The following GOLGA3 variants were observed in gnomAD, a reference collection of about 807,000 sequenced individuals.
The protein encoded by GOLGA3 is golgin subfamily A member 3.
A neutral mutation model predicts 169.4 loss-of-function variants in GOLGA3; 75 were observed. That is an observed-to-expected ratio of 0.44 (90% CI 0.37 to 0.54). GOLGA3 has a LOEUF of 0.54. GOLGA3 is among the 20% of genes least tolerant of loss of function. GOLGA3 has a pLI of 0.00. For synonymous variants in GOLGA3, 824 were observed against 822.4 expected (o/e 1.00, Z -0.03); for missense variants, 1,899 against 1,930.0 (o/e 0.98, Z 0.30).
chr12:132,818,811 CAG>C (rs1457419710), intron 2 of GOLGA3, among the ~76,000 whole-genome samples: 1 of 152,098 alleles, frequency 6.6e-6, no homozygotes, highest in African/African-American at 2.4e-5. Context: ...ACCCGTGAAG[CAG>C]AGACAGCCCA....
At chr12:132,784,472 G>A (rs1036083582) in intron 15 of GOLGA3, among the ~76,000 whole-genome samples, 165 bp from the exon 16 acceptor site, 1 of 152,152 alleles carries the variant, frequency 6.6e-6, no homozygotes, top group Admixed American at 6.5e-5. Flanking sequence ...TGAATTAACC[G>A]ACCACAGCAT....
chr12:132,821,923 T>A, intron 2 of GOLGA3, 73 bp downstream of exon 2: 3 of 824,286 alleles, frequency 3.6e-6, no homozygotes, highest in Non-Finnish European at 5.5e-6. Context: ...CGCCACATCC[T>A]CCCTCAACAC....
At chr12:132,791,133 A>T in intron 12 of GOLGA3, 83 bp downstream of exon 12, 1 of 636,068 alleles carries the variant, frequency 1.6e-6, no homozygotes, top group Non-Finnish European at 2.9e-6. Context: ...CTTCAATGAC[A>T]TTGGAATTGC....
At chr12:132,798,186 G>GA (rs1948958099) in intron 9 of GOLGA3, among the ~76,000 whole-genome samples, 154 bp downstream of exon 9, 1 of 133,204 alleles carries the variant, frequency 7.5e-6, no homozygotes, top group Non-Finnish European at 1.6e-5. Context: ...GGGTGGGGGG[G>GA]GGGTCCCAAA....
At chr12:132,782,515 G>A (rs1316646857) in intron 16 of GOLGA3, 22 bp from the exon 17 acceptor site, 2 of 1,579,856 alleles carry the variant, frequency 1.3e-6, no homozygotes, top group African/African-American at 1.3e-5. Context: ...CAATGTCACT[G>A]TAAAATTACC....
At chr12:132,792,811 G>A (rs1378655896) in intron 11 of GOLGA3, among the ~76,000 whole-genome samples, 1 of 118,894 alleles carries the variant, frequency 8.4e-6, no homozygotes, top group African/African-American at 3.2e-5. Flanking sequence ...CCCACCCCAC[G>A]GGATCTCCAC....
chr12:132,786,436 C>A lies in GOLGA3; in HGVS notation c.3026G>T (p.Arg1009Leu). ...YENAVGILSR[R>L]LQEALAAKEA... The stretch of plus-strand genomic sequence containing the variant: ...CTTGGCCGCGAGGGCCTCCTGCAGG[C>A]GGCGGCTGAGGATGCCCACGGCGTT... Residue 1009 changes from arginine to leucine, a missense_variant, in exon 15 of 24, where the codon CGC becomes CTC. By Grantham distance (102) the Arg-to-Leu change is moderately radical. Transcript: ENST00000450791. 1 of 1,613,332 alleles carries A rather than the reference C, an allele frequency of 6.2e-7. No homozygotes were observed. Among genetic ancestry groups the A allele is most frequent in the East Asian group, 2.2e-5 (1 of 44,850 alleles).
chr12:132,782,199 C>A (rs914069024), intron 17 of GOLGA3, 97 bp downstream of exon 17: 4 of 1,164,272 alleles, frequency 3.4e-6, no homozygotes, highest in Non-Finnish European at 5.2e-6. Context: ...GGCTAGGAGT[C>A]AGCACAGGTG....
intron 11 of GOLGA3, among the ~76,000 whole-genome samples, chr12:132,791,900 C>G (rs2046256192): frequency 7.4e-6 from 1 of 135,650 alleles, no homozygotes; most frequent in Non-Finnish European, 1.6e-5. Context: ...AGATGTTACA[C>G]TGAGGGCTCC....
intron 15 of GOLGA3, among the ~76,000 whole-genome samples, chr12:132,785,876 G>A (rs573905831): frequency 3.2e-4 from 48 of 152,314 alleles, no homozygotes; most frequent in Admixed American, 1.2e-3. Flanking sequence ...AAGGGCACCC[G>A]CTTGTTCTGG....
chr12:132,795,230 G>A (rs1015986872), intron 11 of GOLGA3, among the ~76,000 whole-genome samples: 1 of 151,666 alleles, frequency 6.6e-6, no homozygotes, highest in Non-Finnish European at 1.5e-5. Context: ...GGTGGCTCAC[G>A]CCTGTAATCC....
rs551771941 is a variant in GOLGA3, at chr12:132,773,152, G to C, written c.4450C>G (p.Gln1484Glu). Residue 1484 changes from glutamine (Q) to glutamate (E), a missense_variant, in exon 24 of 24, where the codon CAG becomes GAG. Gln to Glu is a conservative substitution (Grantham distance 29). Transcript: ENST00000450791. ...GGHAGPRGDP[Q>E]RHSQSRASKE... is the part of the protein sequence containing the mutation. ...GAAGCCCTGCTCTGACTGTGTCTCT[G>C]TGGGTCGCCGCGTGGGCCGGCGTGA... is the stretch of plus-strand genomic sequence containing the variant. The C allele has an allele frequency of 1.3e-6, 2 of 1,586,272 alleles. No homozygotes were observed. The highest frequency in any genetic ancestry group is 2.3e-5 in the South Asian group (2 of 87,410).
chr12:132,778,853 C>T (rs1397299960), intron 18 of GOLGA3, among the ~76,000 whole-genome samples: 2 of 151,382 alleles, frequency 1.3e-5, no homozygotes, highest in Non-Finnish European at 2.9e-5. Context: ...CAAGATTAAG[C>T]CACTGCACTC....
At chr12:132,814,178 C>T (rs1301162207) in intron 3 of GOLGA3, among the ~76,000 whole-genome samples, 4 of 151,830 alleles carry the variant, frequency 2.6e-5, no homozygotes, top group African/African-American at 9.7e-5. Context: ...GCATGCAACA[C>T]GACCCCTGAC....
chr12:132,796,852 G>A, intron 9 of GOLGA3, 152 bp from the exon 10 acceptor site: 2 of 846,022 alleles, frequency 2.4e-6, no homozygotes, highest in South Asian at 3.4e-5. Context: ...GAGGGCCCAG[G>A]ATGGGCAGCT....
In GOLGA3 at chr12:132,804,996, C is replaced by G; in HGVS notation, c.1317G>C (p.Gln439His). The change falls in exon 7 of 24, where the codon CAG becomes CAC. Residue 439 changes from glutamine (Q) to histidine (H), a missense_variant. Physicochemically the swap from Gln to His is conservative, Grantham distance 24. Transcript: ENST00000450791. This position sits in a 1 kb window ranked among gnomAD's most constrained non-coding sequence, Gnocchi z 4.1. Reference sequence around the variant, plus strand: ...TCGTGCTGAGGGCGGCCAGCTGGGCCTGCAGCTCAGCCTTCTCTTTAAGTG... The same window carrying G: ...TCGTGCTGAGGGCGGCCAGCTGGGCGTGCAGCTCAGCCTTCTCTTTAAGTG... Reference protein sequence around the residue: ...SQALKEKAELQAQLAALSTKL... With the variant: ...SQALKEKAELHAQLAALSTKL... 1 of 1,610,984 alleles carries G rather than the reference C, an allele frequency of 6.2e-7. No homozygotes were observed. Among genetic ancestry groups the G allele is most frequent in the Non-Finnish European group, 8.5e-7 (1 of 1,179,730 alleles).
intron 6 of GOLGA3, among the ~76,000 whole-genome samples, chr12:132,805,227 G>A (rs1370227290): frequency 2.5e-5 from 3 of 118,924 alleles, no homozygotes; most frequent in Non-Finnish European, 1.7e-5. Context: ...ACCCCCAGGC[G>A]CTCTCCCAAG....
chr12:132,779,948 TATAC>T (rs1944002135), intron 18 of GOLGA3, among the ~76,000 whole-genome samples: 1 of 106,574 alleles, frequency 9.4e-6, no homozygotes, highest in African/African-American at 3.8e-5. Context: ...CACACACGCG[TATAC>T]AGACATCACA....
rs1164907851 is a variant in GOLGA3, at chr12:132,786,775, C to A, written c.2824G>T (p.Asp942Tyr). The A allele has an allele frequency of 3.1e-6, 5 of 1,611,386 alleles. No homozygotes were observed. Among genetic ancestry groups the A allele is most frequent in the Non-Finnish European group, 4.2e-6 (5 of 1,177,744 alleles). The change falls in exon 14 of 24, where the codon GAT (aspartate) becomes TAT (tyrosine). Residue 942 changes from aspartate (D) to tyrosine (Y), a missense_variant. Coordinates refer to ENST00000450791, the MANE Select transcript of GOLGA3 (RefSeq NM_001389683.1). ...METHLQSLQFDKEQMVAVTEA... is the reference protein window; with the variant it reads ...METHLQSLQFYKEQMVAVTEA... The stretch of plus-strand genomic sequence containing the variant: ...GTGACCGCGACCATCTGCTCCTTAT[C>A]GAACTGCAACGACTGTGGAAGGGAA...
Sources: gnomAD v4.1 joint callset for allele counts (sites outside exome capture counted in the v4.1 genomes callset) on GRCh38, gnomAD v4.1.1 for gene constraint, Gnocchi (gnomAD v3.1) non-coding constraint, MANE v1.5 for transcripts, NCBI Gene and HGNC (gene_info 2026-07-23, HGNC 2026-07-21) for gene names.